CSMD1: variants seen among roughly 807,000 people sequenced by gnomAD.
The protein encoded by CSMD1 is CUB and Sushi multiple domains 1.
Under a neutral mutation model 417.5 loss-of-function variants are expected in CSMD1, and 213 were observed. The ratio of observed to expected loss-of-function variants is 0.51; its 90% CI spans 0.46 to 0.57. The LOEUF (loss-of-function observed/expected upper bound fraction) is 0.57, where lower values mean the gene tolerates loss of function less well. CSMD1 is among the 20% of genes least tolerant of loss of function. The pLI, the probability that CSMD1 is intolerant of heterozygous loss-of-function variation, is 0.00. For missense variants in CSMD1, 6,923 were observed against 4,529.7 expected, an observed-to-expected ratio of 1.53 and a Z score of -15.17; for synonymous variants, 2,862 against 1,736.8, an observed-to-expected ratio of 1.65 and a Z score of -16.11.
intron 40 of CSMD1, 110 bp downstream of exon 40, chr8:3,151,287 A>C (rs575329372): frequency 5.8e-5 from 39 of 674,330 alleles, no homozygotes; most frequent in Middle Eastern, 6.0e-4. Flanking sequence ...GCCACTTTCA[A>C]TTACAGATAC....
At chr8:3,794,055 G>C (rs369157171) in intron 5 of CSMD1, among the ~76,000 whole-genome samples, 1 of 152,144 alleles carries the variant, frequency 6.6e-6, no homozygotes, top group Admixed American at 6.6e-5. Context: ...GACGAACCGT[G>C]TTCCACCATC....
intron 3 of CSMD1, among the ~76,000 whole-genome samples, chr8:4,105,755 C>G (rs58437111): frequency 2.0e-5 from 3 of 152,164 alleles, no homozygotes. Context: ...TAAACATAAG[C>G]TTATTTCTCA....
At chr8:4,542,024 C>G (rs1281330624) in intron 2 of CSMD1, among the ~76,000 whole-genome samples, 2 of 152,122 alleles carry the variant, frequency 1.3e-5, no homozygotes, top group Non-Finnish European at 2.9e-5. Context: ...CCAATTGAAG[C>G]AAATGTGGTC....
intron 41 of CSMD1, among the ~76,000 whole-genome samples, chr8:3,141,131 G>C (rs185516687): frequency 6.1e-4 from 93 of 152,322 alleles, no homozygotes; most frequent in African/African-American, 2.2e-3. Flanking sequence ...ATGATGATGA[G>C]ACTCCCCAGT....
intron 5 of CSMD1, among the ~76,000 whole-genome samples, chr8:3,944,730 A>T (rs767811327): frequency 5.7e-4 from 86 of 152,140 alleles, no homozygotes; most frequent in Non-Finnish European, 1.6e-4. Context: ...CAATATTTCA[A>T]AATAATGCAC....
intron 1 of CSMD1, among the ~76,000 whole-genome samples, chr8:4,682,926 C>T (rs1269031873): frequency 1.4e-5 from 2 of 143,308 alleles, no homozygotes; most frequent in South Asian, 4.4e-4. Context: ...AAATGTTTCT[C>T]TCATTTCTTT....
At chr8:4,490,153 G>C (rs566228362) in intron 2 of CSMD1, among the ~76,000 whole-genome samples, 2 of 150,048 alleles carry the variant, frequency 1.3e-5, no homozygotes, top group East Asian at 3.9e-4. Context: ...TGATTCTCCT[G>C]CTTCAGCCTC....
chr8:3,107,937 T>C, intron 44 of CSMD1, 139 bp from the exon 45 acceptor site: 1 of 559,452 alleles, frequency 1.8e-6, no homozygotes, highest in Non-Finnish European at 3.1e-6. Context: ...GAATCATAGC[T>C]TTATAAAATT....
At chr8:3,618,229 C>T (rs570503525) in intron 7 of CSMD1, among the ~76,000 whole-genome samples, 156 of 152,136 alleles carry the variant, frequency 1.0e-3, no homozygotes, top group Non-Finnish European at 1.4e-3. Flanking sequence ...TGGTCTCAAA[C>T]TCCTGGCTCA....
At chr8:3,383,758 G>C (rs1427584875) in intron 18 of CSMD1, among the ~76,000 whole-genome samples, 1 of 152,006 alleles carries the variant, frequency 6.6e-6, no homozygotes, top group Non-Finnish European at 1.5e-5. Flanking sequence ...AGCAAAGAAA[G>C]AGATGCTTTA....
intron 10 of CSMD1, among the ~76,000 whole-genome samples, chr8:3,516,603 G>C (rs1212666191): frequency 6.6e-6 from 1 of 152,148 alleles, no homozygotes. Context: ...CAAAGTTTAA[G>C]AGGATGTTTA....
At chr8:3,270,747 A>G (rs1801784414) in intron 26 of CSMD1, among the ~76,000 whole-genome samples, 1 of 152,118 alleles carries the variant, frequency 6.6e-6, no homozygotes, top group Admixed American at 6.6e-5. Context: ...AGGGGAAGGA[A>G]CTTTGCTATT....
chr8:4,077,080 A>T (rs1490676314), intron 3 of CSMD1, among the ~76,000 whole-genome samples: 1 of 151,874 alleles, frequency 6.6e-6, no homozygotes, highest in African/African-American at 2.4e-5. Flanking sequence ...ATTGGTCATA[A>T]ATGATATATA....
chr8:4,212,825 G>A (rs1345834497), intron 3 of CSMD1, among the ~76,000 whole-genome samples: 2 of 138,378 alleles, frequency 1.4e-5, no homozygotes, highest in Non-Finnish European at 3.0e-5. Flanking sequence ...TTCATGGACT[G>A]GCATTTGGGA....
chr8:4,511,788 T>G (rs1428263447), intron 2 of CSMD1, among the ~76,000 whole-genome samples: 2 of 152,120 alleles, frequency 1.3e-5, no homozygotes, highest in East Asian at 3.9e-4. Context: ...CCAAGAGGAC[T>G]CAATCATCAG....
At chr8:3,345,574 A>G (rs916139996) in intron 22 of CSMD1, among the ~76,000 whole-genome samples, 4 of 152,206 alleles carry the variant, frequency 2.6e-5, no homozygotes, top group African/African-American at 9.6e-5. Context: ...CCTGTTCTGT[A>G]CAACATTTCC....
intron 3 of CSMD1, among the ~76,000 whole-genome samples, chr8:4,146,377 G>C (rs1415606096): frequency 1.3e-5 from 2 of 150,522 alleles, no homozygotes; most frequent in Admixed American, 6.6e-5. Flanking sequence ...GACTTGCAGA[G>C]CTGGCAATTC....
intron 1 of CSMD1, among the ~76,000 whole-genome samples, chr8:4,928,977 A>G (rs1215597595): frequency 2.6e-5 from 4 of 152,162 alleles, no homozygotes; most frequent in Non-Finnish European, 5.9e-5. Flanking sequence ...AGGCTGAAGC[A>G]TAAGAGTCAC....
At chr8:4,556,793 G>A (rs935072186) in intron 2 of CSMD1, among the ~76,000 whole-genome samples, 1 of 152,240 alleles carries the variant, frequency 6.6e-6, no homozygotes, top group East Asian at 1.9e-4. Context: ...AACTTTCTGA[G>A]TGCTGACATA....
Sources: allele counts gnomAD v4.1 joint callset (sites outside exome capture counted in the v4.1 genomes callset), GRCh38; gene constraint gnomAD v4.1.1; transcripts MANE v1.5; gene names NCBI Gene and HGNC (gene_info 2026-07-23, HGNC 2026-07-21).